The following FSTL4 variants were observed in gnomAD, a reference collection of about 807,000 sequenced individuals.
FSTL4 encodes the protein follistatin like 4, also known as follistatin-related protein 4.
In FSTL4, 28 loss-of-function variants were observed where a neutral mutation model predicts 78.2. The ratio of observed to expected loss-of-function variants is 0.36; its 90% CI spans 0.27 to 0.49. The LOEUF (loss-of-function observed/expected upper bound fraction) is 0.49. Ranked by LOEUF, FSTL4 falls within the 20% of genes least tolerant of loss-of-function variation. The pLI is 0.98. For missense variants in FSTL4, 922 were observed against 1,084.9 expected (o/e 0.85, Z 2.11); for synonymous variants, 422 against 440.5 (o/e 0.96, Z 0.53).
At position 133,518,107 on chromosome 5, in the gene FSTL4, A is replaced by G. The variant is rs1758902304; in HGVS notation, c.160+49079T>C. Among the ~76,000 whole-genome samples the G allele has an allele frequency of 1.1e-4, 16 of 152,252 alleles. 1 individual carries two copies. The highest frequency in any genetic ancestry group is 1.0e-3 in the Admixed American group (16 of 15,288). Reference sequence around the variant, plus strand: ...CCAAATTGGAAAGCACTTTATATGCATATAAACGAATGCTGATACCATAAA... The same window carrying G: ...CCAAATTGGAAAGCACTTTATATGCGTATAAACGAATGCTGATACCATAAA... On this transcript the variant is annotated intron_variant, in intron 3 of 15. Transcript: ENST00000265342.
upstream of FSTL4, among the ~76,000 whole-genome samples, chr5:133,615,201 G>A (rs903082379): frequency 6.6e-6 from 1 of 152,350 alleles, no homozygotes; most frequent in Middle Eastern, 3.4e-3. Context: ...TGGTCAAACA[G>A]TGCCTAGAAA....
At chr5:133,580,213 C>A (rs1454042738) in intron 2 of FSTL4, among the ~76,000 whole-genome samples, 1 of 152,158 alleles carries the variant, frequency 6.6e-6, no homozygotes, top group East Asian at 1.9e-4. Context: ...CCACTCCCAT[C>A]CCTCACAGCC....
intron 6 of FSTL4, among the ~76,000 whole-genome samples, chr5:133,282,637 G>A (rs60478340): frequency 0.019 from 2,833 of 152,186 alleles, 30 homozygotes; most frequent in African/African-American, 0.042. Context: ...TCCCCTCTTC[G>A]TGCCCTGGGG....
At chr5:133,260,211 T>A (rs1410288800) in intron 6 of FSTL4, among the ~76,000 whole-genome samples, 1 of 152,128 alleles carries the variant, frequency 6.6e-6, no homozygotes, top group Non-Finnish European at 1.5e-5. Context: ...CCCTACTGCA[T>A]CCCTTCACCA....
intron 4 of FSTL4, among the ~76,000 whole-genome samples, chr5:133,354,851 C>T (rs1754908862): frequency 2.6e-5 from 4 of 152,250 alleles, no homozygotes; most frequent in Admixed American, 2.0e-4. Flanking sequence ...CTGATGGCAC[C>T]CAAGTGATGA....
chr5:133,800,571 T>C, the FSTL4 span, among the ~76,000 whole-genome samples: 2 of 138,556 alleles, frequency 1.4e-5, 1 homozygote, highest in South Asian at 4.6e-4. Context: ...AACCGCTTCC[T>C]CCTCCCACTG....
rs1241258423 is a variant in FSTL4 at position 133,197,885 on chromosome 5, A to G, written c.*1210T>C. ...TCACCACAGCCTGAGACACATAAGG[A>G]GAATGCAGTAGTGCCAGCCTGTGGC... On this transcript the variant is annotated 3_prime_UTR_variant, in exon 16 of 16. Coordinates refer to ENST00000265342, the MANE Select transcript of FSTL4 (RefSeq NM_015082.2). 1.3e-5 allele frequency: 2 copies of G among 152,312 alleles called. No individual in the cohort carries two copies. The highest frequency in any genetic ancestry group is 1.3e-4 in the Admixed American group (2 of 15,284). 9.4% of individuals were successfully genotyped at this position (152,312 alleles called of 1,614,324 possible). A position where few individuals can be genotyped will look rare whatever the true frequency, so the allele number is the denominator to read the frequency against.
intron 4 of FSTL4, among the ~76,000 whole-genome samples, chr5:133,334,270 C>G (rs1367326632): frequency 6.6e-6 from 1 of 152,234 alleles, no homozygotes; most frequent in African/African-American, 2.4e-5. Context: ...CTGCCACGCT[C>G]ACTGGGTCGT....
At chr5:133,276,627 T>C (rs1327945487) in intron 6 of FSTL4, among the ~76,000 whole-genome samples, 2 of 152,260 alleles carry the variant, frequency 1.3e-5, no homozygotes, top group East Asian at 3.9e-4. Context: ...CCCACCATGG[T>C]TAAGTGTCTA....
chr5:133,419,070 G>A (rs1014260850), intron 3 of FSTL4, among the ~76,000 whole-genome samples: 5 of 152,156 alleles, frequency 3.3e-5, no homozygotes, highest in African/African-American at 9.7e-5. Flanking sequence ...AGAATACATC[G>A]ATAGGTTTTA....
intron 4 of FSTL4, among the ~76,000 whole-genome samples, chr5:133,340,105 C>T (rs1265680353): frequency 6.6e-6 from 1 of 152,110 alleles, no homozygotes; most frequent in Non-Finnish European, 1.5e-5. Flanking sequence ...CAGAGCAGCA[C>T]CCACTTGCTT....
At chr5:133,547,114 G>A (rs1439983370) in intron 3 of FSTL4, among the ~76,000 whole-genome samples, 1 of 152,194 alleles carries the variant, frequency 6.6e-6, no homozygotes, top group Non-Finnish European at 1.5e-5. Flanking sequence ...CATTCTGGGA[G>A]AGCTGAAGTG....
At chr5:133,658,291 G>A in the FSTL4 span, among the ~76,000 whole-genome samples, 3 of 152,114 alleles carry the variant, frequency 2.0e-5, no homozygotes, top group Non-Finnish European at 4.4e-5. Flanking sequence ...ACCTGACAAA[G>A]TTATGTGAAC....
In FSTL4 at chr5:133,481,694, G is replaced by A. The variant is rs182199107; in HGVS notation, c.161-80708C>T. Among the ~76,000 whole-genome samples the A allele has an allele frequency of 3.9e-4, 59 of 152,104 alleles. 1 individual carries two copies. The highest frequency in any genetic ancestry group is 3.2e-3 in the Admixed American group (49 of 15,286). ...GTGCCAGGCTCTGGACCACTGTCTG[G>A]GTTCACAAGGGTGAACAAGTCAGAC... is the stretch of plus-strand genomic sequence containing the variant. On this transcript the variant is annotated intron_variant, in intron 3 of 15. Coordinates refer to ENST00000265342, the MANE Select transcript of FSTL4 (RefSeq NM_015082.2).
chr5:133,479,257 C>T (rs909727786), intron 3 of FSTL4, among the ~76,000 whole-genome samples: 1 of 152,146 alleles, frequency 6.6e-6, no homozygotes, highest in Non-Finnish European at 1.5e-5. Context: ...CAGGGCTGAG[C>T]CCAGTGCTGG....
the FSTL4 span, among the ~76,000 whole-genome samples, chr5:133,827,067 G>T: frequency 6.6e-6 from 1 of 152,202 alleles, no homozygotes; most frequent in African/African-American, 2.4e-5. Context: ...CCGTAAAGAC[G>T]GCCTGCAGAG....
In FSTL4 at chr5:133,299,146, C is replaced by A. The variant is rs537925301; in HGVS notation, c.727+13508G>T. On this transcript the variant is annotated intron_variant, in intron 6 of 15. Coordinates refer to ENST00000265342, the MANE Select transcript of FSTL4 (RefSeq NM_015082.2). ...CATCTGCTCAGCTGCCTGGCCAGGG[C>A]TGCTTACAGAGGGGCTGGGGCCTGT... Among the ~76,000 whole-genome samples the A allele has an allele frequency of 2.0e-5, 3 of 152,274 alleles. No homozygotes were observed. The South Asian group carries it at 6.2e-4, about 32-fold the overall frequency.
the FSTL4 span, among the ~76,000 whole-genome samples, chr5:133,772,108 A>T: frequency 6.6e-6 from 1 of 152,228 alleles, no homozygotes; most frequent in Non-Finnish European, 1.5e-5. Context: ...AGTAAGTTGC[A>T]TCCATCTGAT....
intron 3 of FSTL4, among the ~76,000 whole-genome samples, chr5:133,430,933 GT>G (rs1235483826): frequency 1.3e-5 from 2 of 152,184 alleles, no homozygotes; most frequent in Non-Finnish European, 2.9e-5. Flanking sequence ...CTGCAAAGTG[GT>G]GGTGAACAAT....
Sources: allele counts gnomAD v4.1 joint callset (sites outside exome capture counted in the v4.1 genomes callset), GRCh38; gene constraint gnomAD v4.1.1; transcripts MANE v1.5; gene names NCBI Gene and HGNC (gene_info 2026-07-23, HGNC 2026-07-21).